CROCC2: variants seen among roughly 807,000 people sequenced by gnomAD.
The protein encoded by CROCC2 is ciliary rootlet coiled-coil, rootletin family member 2.
In CROCC2, 163 loss-of-function variants were observed where a neutral mutation model predicts 177.6. That is an observed-to-expected ratio of 0.92 (90% CI 0.81 to 1.05). The LOEUF is 1.05. Among genes scored for constraint, CROCC2 ranks in the 50% least tolerant of loss-of-function variants. The pLI is 0.00. For synonymous variants in CROCC2, 904 were observed against 787.3 expected (o/e 1.15, Z -2.48); for missense variants, 1,929 against 1,797.8 (o/e 1.07, Z -1.32).
At chr2:240,992,993 G>T in intron 31 of CROCC2, 73 bp from the exon 32 acceptor site, 1 of 707,858 alleles carries the variant, frequency 1.4e-6, no homozygotes, top group South Asian at 1.5e-5. Context: ...GGTCCCTCCA[G>T]CCCCCGGCAG....
chr2:240,949,444 G>T lies in CROCC2; in HGVS notation c.2483-89G>T. 2 of 1,455,326 alleles carry T rather than the reference G, an allele frequency of 1.4e-6. No homozygotes were observed. Among genetic ancestry groups the T allele is most frequent in the Non-Finnish European group, 1.9e-6 (2 of 1,076,380 alleles). The allele number at this position is 1,455,326 out of a possible 1,614,324, so 90.2% of individuals were successfully genotyped here. A position where few individuals can be genotyped will look rare whatever the true frequency, so the allele number is the denominator to read the frequency against. ...CCGGAGCCTGGAGTGGACAGTGCTT[G>T]CCCCCAAGACTGTCACTCCCTAGGA... On this transcript the variant is annotated intron_variant, in intron 16 of 31. Transcript: ENST00000690015. This position sits in a 1 kb window ranked among gnomAD's most constrained non-coding sequence, Gnocchi z 4.5.
At chr2:240,938,260 G>T (rs1160139495) in intron 14 of CROCC2, among the ~76,000 whole-genome samples, 1 of 152,190 alleles carries the variant, frequency 6.6e-6, no homozygotes, top group Non-Finnish European at 1.5e-5. Context: ...CATGTGTATG[G>T]TATGATGTAA....
chr2:240,981,897 C>G (rs542288118), intron 27 of CROCC2: 1 of 152,092 alleles, frequency 6.6e-6, no homozygotes. Flanking sequence ...ATGACGGACG[C>G]CTTGCAATCT....
chr2:240,966,306 C>A lies in CROCC2; in HGVS notation c.4043C>A (p.Ser1348Ter). 1 of 427,256 alleles carries A rather than the reference C, an allele frequency of 2.3e-6. No individual in the cohort carries two copies. Among genetic ancestry groups the A allele is most frequent in the Non-Finnish European group, 4.0e-6 (1 of 249,756 alleles). The allele number at this position is 427,256 out of a possible 1,614,324, so 26.5% of individuals were successfully genotyped here. Residue 1348 changes from serine (S) to a stop codon, truncating the protein, a stop_gained, in exon 25 of 32, where the codon TCG becomes TAG. Transcript: ENST00000690015. LOFTEE classifies it high-confidence loss of function. ...CCCCACTCGCCCCTCCGATGGCCCT[C>A]GCCCACACCCGGAGGCCGCAGCTCA... ...ARPHSPLRWP[S>*]PTPGGRSSEL... is the part of the protein sequence containing the mutation.
At chr2:240,919,483 C>G (rs985625378) in intron 2 of CROCC2, among the ~76,000 whole-genome samples, 4 of 152,198 alleles carry the variant, frequency 2.6e-5, no homozygotes, top group African/African-American at 7.2e-5. Flanking sequence ...CTCCAGGCCG[C>G]CTGTCCTGTG....
At position 240,955,932 on chromosome 2, in the gene CROCC2, G is replaced by T. The variant is rs759285998; in HGVS notation, c.2903G>T (p.Arg968Leu). ...TCCAGGGCCAGGAGGACGCTAGAGC[G>T]GGTACAGCAGGAGGCACAGAGCCAG... The part of the protein sequence containing the change: ...ELSRARRTLE[R>L]VQQEAQSQQE... Residue 968 changes from arginine (R) to leucine (L), a missense_variant, in exon 19 of 32, where the codon CGG (arginine) becomes CTG (leucine). This residue lies in a region of CROCC2 where 1,397 missense variants were observed against 1,239.9 expected (regional missense o/e 1.13). Transcript: ENST00000690015. 1 of 1,534,814 alleles carries T rather than the reference G, an allele frequency of 6.5e-7. No individual in the cohort carries two copies. Among genetic ancestry groups the T allele is most frequent in the African/African-American group, 1.4e-5 (1 of 73,126 alleles).
intron 14 of CROCC2, among the ~76,000 whole-genome samples, chr2:240,944,424 A>C (rs542601006): frequency 6.6e-6 from 1 of 152,188 alleles, no homozygotes; most frequent in Admixed American, 6.5e-5. Context: ...TTGAGGCTGT[A>C]ATTACACATA....
intron 20 of CROCC2, among the ~76,000 whole-genome samples, chr2:240,962,006 TCA>T (rs2059642966): frequency 1.5e-4 from 10 of 65,284 alleles, no homozygotes; most frequent in Non-Finnish European, 2.5e-4. Context: ...CACACACTCA[TCA>T]CCCACACACA....
At chr2:240,947,200 C>T (rs1326278648) in intron 15 of CROCC2, among the ~76,000 whole-genome samples, 1 of 152,248 alleles carries the variant, frequency 6.6e-6, no homozygotes. Context: ...CACAGACAAA[C>T]CTCTTCTCCA....
chr2:240,955,953 G>C lies in CROCC2; in HGVS notation c.2924G>C (p.Ser975Thr). 2.6e-6 allele frequency: 4 copies of C among 1,534,570 alleles called. No individual in the cohort carries two copies. The highest frequency in any genetic ancestry group is 3.5e-6 in the Non-Finnish European group (4 of 1,146,862). The change falls in exon 19 of 32, where the codon AGC (serine) becomes ACC (threonine). Residue 975 changes from serine (S) to threonine (T), a missense_variant. Transcript: ENST00000690015. Reference protein sequence around the residue: ...TLERVQQEAQSQQEQAQATIS... With the variant: ...TLERVQQEAQTQQEQAQATIS... ...GAGCGGGTACAGCAGGAGGCACAGA[G>C]CCAGCAGGAGCAAGCGCAGGTGAGC...
At chr2:240,989,285 C>T (rs1341785584) in intron 29 of CROCC2, among the ~76,000 whole-genome samples, 2 of 152,124 alleles carry the variant, frequency 1.3e-5, no homozygotes, top group Non-Finnish European at 2.9e-5. Flanking sequence ...TCATCCTGTC[C>T]ACATTGGACA....
chr2:240,935,485 T>C lies in CROCC2; in HGVS notation c.2066T>C (p.Leu689Pro), dbSNP rs1293058347. 36 of 1,352,874 alleles carry C rather than the reference T, an allele frequency of 2.7e-5. No individual in the cohort carries two copies. The highest frequency in any genetic ancestry group is 3.2e-5 in the Non-Finnish European group (34 of 1,048,708). 83.8% of individuals were successfully genotyped at this position (1,352,874 alleles called of 1,614,324 possible). A position where few individuals can be genotyped will look rare whatever the true frequency, so the allele number is the denominator to read the frequency against. ...LALERAERRG[L>P]QQACGRLEQR... The stretch of plus-strand genomic sequence containing the variant: ...CTGGAGCGGGCAGAGCGCAGGGGCC[T>C]GCAGCAGGCCTGCGGACGCCTGGAG... The change falls in exon 14 of 32, where the codon CTG becomes CCG. Residue 689 changes from leucine to proline, a missense_variant. Around this residue, in one of 3 missense-constraint regions of CROCC2, gnomAD observed 1,397 missense variants for 1,239.9 expected, o/e 1.13. Transcript: ENST00000690015.
intron 13 of CROCC2, 54 bp from the exon 14 acceptor site, chr2:240,935,304 A>C: frequency 7.6e-7 from 1 of 1,322,816 alleles, no homozygotes; most frequent in Non-Finnish European, 9.7e-7. Context: ...TGGCTGGCCT[A>C]CAGGGACCGA....
At position 240,961,770 on chromosome 2, in the gene CROCC2, A is replaced by G. The variant is rs1459921895; in HGVS notation, c.3088-1786A>G. Among the ~76,000 whole-genome samples the G allele has an allele frequency of 3.4e-5, 4 of 116,010 alleles. 1 individual carries two copies. In the East Asian group the frequency reaches 1.0e-3, roughly 30 times the overall value. 76.1% of individuals were successfully genotyped at this position (116,010 alleles called of 152,430 possible). On this transcript the variant is annotated intron_variant, in intron 20 of 31. Coordinates refer to ENST00000690015, the MANE Select transcript of CROCC2 (RefSeq NM_001351305.2). ...TGGACACCTGCACTGGCTCTCACAC[A>G]CACACACTCATCACACACACGCACT...
At chr2:240,976,228 C>T (rs111922498) in intron 27 of CROCC2, among the ~76,000 whole-genome samples, 1 of 123,712 alleles carries the variant, frequency 8.1e-6, no homozygotes, top group Non-Finnish European at 1.7e-5. Flanking sequence ...AGCCCAGGCT[C>T]ATCCCTGCTC....
chr2:240,989,009 C>A lies in CROCC2; in HGVS notation c.4683+139C>A, dbSNP rs1343328708. ...GCACACATGGGGAGGGTGGCTGGACCAGCTTCTGCATGTGATGGATACAGA... is the reference window on the plus strand; with the variant it reads ...GCACACATGGGGAGGGTGGCTGGACAAGCTTCTGCATGTGATGGATACAGA... On this transcript the variant is annotated intron_variant, in intron 29 of 31. Transcript: ENST00000690015. 6.5e-6 allele frequency: 6 copies of A among 924,902 alleles called. No individual in the cohort carries two copies. In the Admixed American group the frequency reaches 1.9e-4, roughly 30 times the overall value. 57.3% of individuals were successfully genotyped at this position (924,902 alleles called of 1,614,324 possible). A position where few individuals can be genotyped will look rare whatever the true frequency, so the allele number is the denominator to read the frequency against.
At chr2:240,914,169 G>A (rs936238558) in intron 1 of CROCC2, among the ~76,000 whole-genome samples, 2 of 152,206 alleles carry the variant, frequency 1.3e-5, no homozygotes, top group African/African-American at 2.4e-5. Context: ...TCCAGACACC[G>A]CCGCTGGGAA....
intron 19 of CROCC2, chr2:240,957,905 G>A: frequency 5.5e-6 from 5 of 905,394 alleles, no homozygotes; most frequent in Non-Finnish European, 6.6e-6. Flanking sequence ...CCCGTGGGCA[G>A]GGACCCAGGA....
At chr2:240,971,228 C>T (rs1290524580) in intron 27 of CROCC2, among the ~76,000 whole-genome samples, 1 of 152,220 alleles carries the variant, frequency 6.6e-6, no homozygotes, top group Non-Finnish European at 1.5e-5. Context: ...TCACCCTTTG[C>T]TTAACTCAGA....
Sources: gnomAD v4.1 joint callset for allele counts (sites outside exome capture counted in the v4.1 genomes callset) on GRCh38, gnomAD v4.1.1 for gene constraint, gnomAD v4.1.1 regional missense constraint, Gnocchi (gnomAD v3.1) non-coding constraint, MANE v1.5 for transcripts, NCBI Gene and HGNC (gene_info 2026-07-23, HGNC 2026-07-21) for gene names.